Variants in CLEC4G observed in about 807,000 individuals in gnomAD.
The protein encoded by CLEC4G is C-type lectin domain family 4 member G.
In CLEC4G, 34 loss-of-function variants were observed where a neutral mutation model predicts 37.0. The ratio of observed to expected loss-of-function variants is 0.92; its 90% confidence interval spans 0.70 to 1.22. The LOEUF (loss-of-function observed/expected upper bound fraction) is 1.22, where lower values mean the gene tolerates loss of function less well. Among genes scored for constraint, CLEC4G ranks in the 50% most tolerant of loss-of-function variants. CLEC4G has a pLI of 0.00. For synonymous variants in CLEC4G, 167 were observed against 165.6 expected, an observed-to-expected ratio of 1.01 and a Z score of -0.06; for missense variants, 390 against 392.9, an observed-to-expected ratio of 0.99 and a Z score of 0.06.
In CLEC4G at chr19:7,730,299, C is replaced by T; in HGVS notation, c.478+52G>A. On this transcript the variant is annotated intron_variant, in intron 6 of 8. Coordinates refer to ENST00000328853, the MANE Select transcript of CLEC4G (RefSeq NM_198492.4). The surrounding 1 kb of genome is among the most constrained non-coding windows in gnomAD (Gnocchi z 7.3). ...GAACCAGGCCAAGGTCCAGGAGTGA[C>T]AGGGTCCGCTTACGCCCTCACAGCC... The T allele has an allele frequency of 6.3e-7, 1 of 1,581,134 alleles. No individual in the cohort carries two copies. Among genetic ancestry groups the T allele is most frequent in the Non-Finnish European group, 8.6e-7 (1 of 1,167,260 alleles).
chr19:7,730,970 C>T lies in CLEC4G; in HGVS notation c.283+56G>A. ...CAGGCCTCCGCCCCGGCCCCCCTCC[C>T]ATCGCGGCCGCAAGACCCCATCCCT... is the stretch of plus-strand genomic sequence containing the variant. On this transcript the variant is annotated intron_variant, in intron 4 of 8. Coordinates refer to ENST00000328853, the MANE Select transcript of CLEC4G (RefSeq NM_198492.4). This position sits in a 1 kb window ranked among gnomAD's most constrained non-coding sequence, Gnocchi z 7.3. The T allele has an allele frequency of 2.0e-6, 3 of 1,531,874 alleles. No homozygotes were observed. Among genetic ancestry groups the T allele is most frequent in the Non-Finnish European group, 2.6e-6 (3 of 1,143,282 alleles). The allele number at this position is 1,531,874 out of a possible 1,614,324, so 94.9% of individuals were successfully genotyped here.
chr19:7,730,791 C>T lies in CLEC4G; in HGVS notation c.352G>A (p.Glu118Lys), dbSNP rs949708447. The T allele has an allele frequency of 1.3e-6, 2 of 1,532,918 alleles. No homozygotes were observed. The highest frequency in any genetic ancestry group is 3.9e-5 in the Admixed American group (2 of 50,926). 95.0% of individuals were successfully genotyped at this position (1,532,918 alleles called of 1,614,324 possible). A position where few individuals can be genotyped will look rare whatever the true frequency, so the allele number is the denominator to read the frequency against. Residue 118 changes from glutamate (E) to lysine (K), a missense_variant, in exon 5 of 9, where the codon GAG (glutamate) becomes AAG (lysine). Glu to Lys is a moderately conservative substitution (Grantham distance 56). Transcript: ENST00000328853. The surrounding 1 kb of genome is among the most constrained non-coding windows in gnomAD (Gnocchi z 7.3). ...AGTTCCCGCAGGGCGCTCTCCTGCTCCATCAGCTTCGCCTGCGCCTCCCCA... is the reference window on the plus strand; with the variant it reads ...AGTTCCCGCAGGGCGCTCTCCTGCTTCATCAGCTTCGCCTGCGCCTCCCCA... ...ELGEAQAKLM[E>K]QESALRELRE...
chr19:7,729,693 T>A, intron 8 of CLEC4G, 128 bp downstream of exon 8: 1 of 1,481,560 alleles, frequency 6.7e-7, no homozygotes, highest in South Asian at 1.3e-5. Flanking sequence ...GGACAGTTCC[T>A]GGGGTCCAGC....
In CLEC4G at chr19:7,730,983, A is replaced by G. The variant is rs923090259; in HGVS notation, c.283+43T>C. On this transcript the variant is annotated intron_variant, in intron 4 of 8. Coordinates refer to ENST00000328853, the MANE Select transcript of CLEC4G (RefSeq NM_198492.4). The surrounding 1 kb of genome is among the most constrained non-coding windows in gnomAD (Gnocchi z 7.3). ...CGGCCCCCCTCCCATCGCGGCCGCA[A>G]GACCCCATCCCTGCGCCCACAGCCT... The G allele has an allele frequency of 6.4e-7, 1 of 1,552,430 alleles. No individual in the cohort carries two copies. The highest frequency in any genetic ancestry group is 8.7e-7 in the Non-Finnish European group (1 of 1,154,642).
At position 7,730,869 on chromosome 19, in the gene CLEC4G, G is replaced by T. The variant is rs1301410506; in HGVS notation, c.284-10C>A. 7.8e-6 allele frequency: 12 copies of T among 1,528,800 alleles called. No homozygotes were observed. In the East Asian group the frequency reaches 2.2e-4, roughly 29 times the overall value. 94.7% of individuals were successfully genotyped at this position (1,528,800 alleles called of 1,614,324 possible). ...GCCTGCGTCCCCGAGCCTGGGAGCC[G>T]CAGGGTGAGAGGGGCGAGGGCGGCG... On this transcript the variant is annotated splice_polypyrimidine_tract_variant and intron_variant, in intron 4 of 8. Transcript: ENST00000328853. This position sits in a 1 kb window ranked among gnomAD's most constrained non-coding sequence, Gnocchi z 7.3.
Position 7,729,999 on chromosome 19 carries a change from C to A in CLEC4G, c.627+20G>T. The A allele has an allele frequency of 1.3e-6, 2 of 1,599,562 alleles. No individual in the cohort carries two copies. Among genetic ancestry groups the A allele is most frequent in the Non-Finnish European group, 8.5e-7 (1 of 1,174,042 alleles). On this transcript the variant is annotated intron_variant, in intron 7 of 8. Coordinates refer to ENST00000328853, the MANE Select transcript of CLEC4G (RefSeq NM_198492.4). ...CCCGCCCTGCCCCACCGCCTGACCA[C>A]GCCCCCTCCCCCTGCGCACCTGCTC...
chr19:7,730,923 C>CCCT lies in CLEC4G; in HGVS notation c.284-65_284-64insAGG. On this transcript the variant is annotated intron_variant, in intron 4 of 8. Coordinates refer to ENST00000328853, the MANE Select transcript of CLEC4G (RefSeq NM_198492.4). The surrounding 1 kb of genome is among the most constrained non-coding windows in gnomAD (Gnocchi z 7.3). ...ATGGGGCGGGACTTCGGAGACCAGC[C>CCCT]CCCGCCCCGCACCACCCGCCGCAGG... 1 of 1,493,284 alleles carries CCCT rather than the reference C, an allele frequency of 6.7e-7. No homozygotes were observed. Among genetic ancestry groups the CCCT allele is most frequent in the Non-Finnish European group, 8.9e-7 (1 of 1,127,022 alleles). 92.5% of individuals were successfully genotyped at this position (1,493,284 alleles called of 1,614,324 possible). A position where few individuals can be genotyped will look rare whatever the true frequency, so the allele number is the denominator to read the frequency against.
In CLEC4G at chr19:7,729,914, C is replaced by T. The variant is rs746155614; in HGVS notation, c.650G>A (p.Arg217His). The T allele has an allele frequency of 1.9e-6, 3 of 1,614,154 alleles. No homozygotes were observed. Among genetic ancestry groups the T allele is most frequent in the Non-Finnish European group, 1.7e-6 (2 of 1,180,022 alleles). The change falls in exon 8 of 9, where the codon CGT (arginine) becomes CAT (histidine). Residue 217 changes from arginine to histidine, a missense_variant. Transcript: ENST00000328853. ...DEQGFLTRNT[R>H]GRGYWLGLRA... ...CAGGCCCAGCCAGTAACCACGGCCA[C>T]GCGTGTTCCGAGTGAGGAAGCCCTA... is the stretch of plus-strand genomic sequence containing the variant.
chr19:7,730,009 C>T lies in CLEC4G; in HGVS notation c.627+10G>A, dbSNP rs373307374. ...CCCACCGCCTGACCACGCCCCCTCC[C>T]CCTGCGCACCTGCTCATCCAGGCCC... On this transcript the variant is annotated intron_variant, in intron 7 of 8. Coordinates refer to ENST00000328853, the MANE Select transcript of CLEC4G (RefSeq NM_198492.4). The surrounding 1 kb of genome is among the most constrained non-coding windows in gnomAD (Gnocchi z 7.3). 6.3e-7 allele frequency: 1 copy of T among 1,596,490 alleles called. No homozygotes were observed. Among genetic ancestry groups the T allele is most frequent in the African/African-American group, 1.3e-5 (1 of 74,582 alleles).
Position 7,731,740 on chromosome 19 carries a change from C to T in CLEC4G, c.87G>A (p.Arg29=). Residue 29 remains arginine (R), a synonymous_variant, in exon 2 of 9, where the codon AGG becomes AGA. Coordinates refer to ENST00000328853, the MANE Select transcript of CLEC4G (RefSeq NM_198492.4). Reference sequence around the variant, plus strand: ...CAGCCAGGGCCAAGAAGAGGGGTCTCCTGCTCCAGTGCACCCAGCGTCCCC... The same window carrying T: ...CAGCCAGGGCCAAGAAGAGGGGTCTTCTGCTCCAGTGCACCCAGCGTCCCC... ...GPWGRWVHWS[R]RPLFLALAVL... The T allele has an allele frequency of 1.2e-6, 2 of 1,614,092 alleles. No individual in the cohort carries two copies. The highest frequency in any genetic ancestry group is 1.1e-5 in the South Asian group (1 of 91,074).
In CLEC4G at chr19:7,731,651, A is replaced by G. The variant is rs897132931; in HGVS notation, c.166+10T>C. 1.2e-6 allele frequency: 2 copies of G among 1,612,974 alleles called. No individual in the cohort carries two copies. The highest frequency in any genetic ancestry group is 8.5e-7 in the Non-Finnish European group (1 of 1,179,468). On this transcript the variant is annotated intron_variant, in intron 2 of 8. Transcript: ENST00000328853. ...CCGGATGCAACACCTCCCCATTGAG[A>G]GTCACTCACCCTTGGACAATAGGAT...
Position 7,729,298 on chromosome 19 carries a change from C to T in CLEC4G, c.*68G>A. 1 of 1,048,678 alleles carries T rather than the reference C, an allele frequency of 9.5e-7. No homozygotes were observed. Among genetic ancestry groups the T allele is most frequent in the Non-Finnish European group, 1.5e-6 (1 of 672,286 alleles). The allele number at this position is 1,048,678 out of a possible 1,614,324, so 65.0% of individuals were successfully genotyped here. ...CTCTTTGGCAATCAGCTCCAGGAGC[C>T]AGGGAGGTGAGCAGCCCCCAGGATA... On this transcript the variant is annotated 3_prime_UTR_variant, in exon 9 of 9. Coordinates refer to ENST00000328853, the MANE Select transcript of CLEC4G (RefSeq NM_198492.4).
chr19:7,731,236 G>C (rs765058214), intron 3 of CLEC4G, 30 bp downstream of exon 3: 22 of 1,580,744 alleles, frequency 1.4e-5, no homozygotes, highest in Non-Finnish European at 1.8e-5. Flanking sequence ...CTCACGCCCC[G>C]GGGGCCCAGG....
In CLEC4G at chr19:7,730,871, A is replaced by AGGGTGAGAG; in HGVS notation, c.284-21_284-13dup. 6.5e-7 allele frequency: 1 copy of AGGGTGAGAG among 1,528,394 alleles called. No individual in the cohort carries two copies. 94.7% of individuals were successfully genotyped at this position (1,528,394 alleles called of 1,614,324 possible). On this transcript the variant is annotated splice_polypyrimidine_tract_variant and intron_variant, in intron 4 of 8. Coordinates refer to ENST00000328853, the MANE Select transcript of CLEC4G (RefSeq NM_198492.4). The surrounding 1 kb of genome is among the most constrained non-coding windows in gnomAD (Gnocchi z 7.3). Reference sequence around the variant, plus strand: ...CTGCGTCCCCGAGCCTGGGAGCCGCAGGGTGAGAGGGGCGAGGGCGGCGAG... The same window carrying AGGGTGAGAG: ...CTGCGTCCCCGAGCCTGGGAGCCGCAGGGTGAGAGGGGTGAGAGGGGCGAGGGCGGCGAG...
intron 2 of CLEC4G, 49 bp from the exon 3 acceptor site, chr19:7,731,368 C>A: frequency 6.5e-7 from 1 of 1,537,326 alleles, no homozygotes; most frequent in Non-Finnish European, 8.7e-7. Flanking sequence ...GGGAATCCTC[C>A]CCTCGCCCGG....
chr19:7,731,311 C>T lies in CLEC4G; in HGVS notation c.175G>A (p.Glu59Lys). Residue 59 changes from glutamate (E) to lysine (K), a missense_variant, in exon 3 of 9, where the codon GAG becomes AAG. Glu to Lys is a moderately conservative substitution (Grantham distance 56). Transcript: ENST00000328853. ...LSILLSKAST[E>K]RAALLDGHDL... The stretch of plus-strand genomic sequence containing the variant: ...TGGCCGTCAAGCAGCGCCGCGCGCT[C>T]CGTGGAGGCTGAGGAGAGAGGCTCC... The T allele has an allele frequency of 6.3e-7, 1 of 1,577,178 alleles. No homozygotes were observed. Among genetic ancestry groups the T allele is most frequent in the Non-Finnish European group, 8.6e-7 (1 of 1,166,470 alleles).
In CLEC4G at chr19:7,729,511, G is replaced by T; in HGVS notation, c.744-7C>A. 1.3e-6 allele frequency: 2 copies of T among 1,587,918 alleles called. No individual in the cohort carries two copies. The highest frequency in any genetic ancestry group is 1.7e-6 in the Non-Finnish European group (2 of 1,163,088). On this transcript the variant is annotated splice_region_variant and splice_polypyrimidine_tract_variant and intron_variant, in intron 8 of 8. Transcript: ENST00000328853. ...CTCTCCCTGGTTCCAGTGGCTACAG[G>T]GGGGTTGAGTGGGGGTGTTGCTGGG...
chr19:7,731,020 C>T lies in CLEC4G; in HGVS notation c.283+6G>A. ...TGCGCCCACAGCCTCGACCGCGCCC[C>T]CTCACAGCAGCTGTGGCAGTCTCCG... On this transcript the variant is annotated splice_donor_region_variant and intron_variant, in intron 4 of 8. Coordinates refer to ENST00000328853, the MANE Select transcript of CLEC4G (RefSeq NM_198492.4). The T allele has an allele frequency of 6.2e-7, 1 of 1,601,674 alleles. No individual in the cohort carries two copies. Among genetic ancestry groups the T allele is most frequent in the South Asian group, 1.1e-5 (1 of 90,808 alleles).
At position 7,730,752 on chromosome 19, in the gene CLEC4G, C is replaced by A; in HGVS notation, c.388+3G>T. ...CAGGGCCGGGGTCGCGTCGGGCCCT[C>A]ACCGCGCTCACGCAGTTCCCGCAGG... On this transcript the variant is annotated splice_donor_region_variant and intron_variant, in intron 5 of 8. Transcript: ENST00000328853. This position sits in a 1 kb window ranked among gnomAD's most constrained non-coding sequence, Gnocchi z 7.3. The A allele has an allele frequency of 6.5e-7, 1 of 1,531,180 alleles. No homozygotes were observed. Among genetic ancestry groups the A allele is most frequent in the East Asian group, 2.5e-5 (1 of 40,570 alleles). 94.8% of individuals were successfully genotyped at this position (1,531,180 alleles called of 1,614,324 possible).
Sources: allele counts gnomAD v4.1 joint callset, GRCh38; gene constraint gnomAD v4.1.1; non-coding constraint Gnocchi (gnomAD v3.1); transcripts MANE v1.5; gene names NCBI Gene and HGNC (gene_info 2026-07-23, HGNC 2026-07-21).